ASAP2: variants seen among roughly 807,000 people sequenced by gnomAD.
The protein encoded by ASAP2 is arf-GAP with SH3 domain, ANK repeat and PH domain-containing protein 2.
In ASAP2, 45 loss-of-function variants were observed where a neutral mutation model predicts 131.4. The ratio of observed to expected loss-of-function variants is 0.34; its 90% CI spans 0.27 to 0.44. The LOEUF (loss-of-function observed/expected upper bound fraction) is 0.44, where lower values mean the gene tolerates loss of function less well. Ranked by LOEUF, ASAP2 falls within the 20% of genes least tolerant of loss-of-function variation. The pLI is 1.00. For synonymous variants in ASAP2, 510 were observed against 503.0 expected (o/e 1.01, Z -0.19); for missense variants, 1,011 against 1,297.0 (o/e 0.78, Z 3.39).
Position 9,326,456 on chromosome 2 carries a change from T to G in ASAP2, c.601-1370T>G, listed in dbSNP as rs939899071. On this transcript the variant is annotated intron_variant, in intron 6 of 27. Transcript: ENST00000281419. The stretch of plus-strand genomic sequence containing the variant: ...TGTCAAATAGGTAGTACAGACCTTC[T>G]GTGAGCGGAGAAGGCGTGAGAAGAT... Among the ~76,000 whole-genome samples the G allele has an allele frequency of 1.4e-5, 2 of 140,748 alleles. 1 individual carries two copies. The highest frequency in any genetic ancestry group is 4.3e-4 in the South Asian group (2 of 4,620). 92.3% of individuals were successfully genotyped at this position (140,748 alleles called of 152,430 possible).
chr2:9,384,893 C>A (rs11894514), intron 20 of ASAP2, among the ~76,000 whole-genome samples: 24,688 of 152,186 alleles, frequency 0.16, 5,998 homozygotes, highest in African/African-American at 0.53. Context: ...AAGTGGGGGA[C>A]GATAAGAGTC....
At chr2:9,365,780 C>T (rs1314344524) in intron 15 of ASAP2, among the ~76,000 whole-genome samples, 8 of 152,200 alleles carry the variant, frequency 5.3e-5, no homozygotes, top group East Asian at 1.9e-4. Context: ...ATTGACTCAT[C>T]GCTACCTTGT....
chr2:9,310,235 A>C (rs1001534863), intron 3 of ASAP2, among the ~76,000 whole-genome samples: 2 of 152,190 alleles, frequency 1.3e-5, no homozygotes, highest in Admixed American at 1.3e-4. Context: ...CACATTTCAA[A>C]GCGTCTTTTC....
intron 1 of ASAP2, among the ~76,000 whole-genome samples, chr2:9,250,342 G>A (rs923109518): frequency 6.6e-6 from 1 of 152,124 alleles, no homozygotes; most frequent in African/African-American, 2.4e-5. Flanking sequence ...AGAGGGGAAA[G>A]AACACGACAT....
chr2:9,402,228 C>CT (rs2148837395), intron 27 of ASAP2, among the ~76,000 whole-genome samples: 1 of 152,324 alleles, frequency 6.6e-6, no homozygotes, highest in South Asian at 2.1e-4. Flanking sequence ...TGCATGTCTT[C>CT]AGCCTCCAGA....
chr2:9,379,589 C>G (rs1202232781), intron 19 of ASAP2, among the ~76,000 whole-genome samples: 1 of 152,158 alleles, frequency 6.6e-6, no homozygotes, highest in African/African-American at 2.4e-5. Flanking sequence ...ACAGTTGTGC[C>G]TTGAGAGCAT....
At position 9,404,014 on chromosome 2, in the gene ASAP2, A is replaced by G. The variant is rs1676974330; in HGVS notation, c.*687A>G. On this transcript the variant is annotated 3_prime_UTR_variant, in exon 28 of 28. Coordinates refer to ENST00000281419, the MANE Select transcript of ASAP2 (RefSeq NM_003887.3). ...TACAGTTCATTCTGTTCCAGGTTATATAAAACTGCATTTCCTGAATTTGGT... is the reference window on the plus strand; with the variant it reads ...TACAGTTCATTCTGTTCCAGGTTATGTAAAACTGCATTTCCTGAATTTGGT... The G allele has an allele frequency of 6.6e-6, 1 of 152,262 alleles. No individual in the cohort carries two copies. Among genetic ancestry groups the G allele is most frequent in the Admixed American group, 6.5e-5 (1 of 15,286 alleles). The allele number at this position is 152,262 out of a possible 1,614,324, so 9.4% of individuals were successfully genotyped here. A position where few individuals can be genotyped will look rare whatever the true frequency, so the allele number is the denominator to read the frequency against.
At chr2:9,288,185 C>T (rs1244024458) in intron 2 of ASAP2, among the ~76,000 whole-genome samples, 1 of 152,200 alleles carries the variant, frequency 6.6e-6, no homozygotes, top group East Asian at 1.9e-4. Context: ...AACCTGTCCG[C>T]AAACCCAACC....
At chr2:9,252,565 C>T (rs1664783121) in intron 1 of ASAP2, among the ~76,000 whole-genome samples, 1 of 150,798 alleles carries the variant, frequency 6.6e-6, no homozygotes, top group African/African-American at 2.4e-5. Flanking sequence ...CAAAGTGAGA[C>T]CCTATTCCCC....
At chr2:9,212,405 A>G (rs926295832) in intron 1 of ASAP2, among the ~76,000 whole-genome samples, 3 of 152,098 alleles carry the variant, frequency 2.0e-5, no homozygotes, top group Non-Finnish European at 4.4e-5. Context: ...CTTGAAGTCC[A>G]GGCAGTTACC....
At chr2:9,212,328 G>C (rs114327972) in intron 1 of ASAP2, among the ~76,000 whole-genome samples, 1 of 152,288 alleles carries the variant, frequency 6.6e-6, no homozygotes, top group African/African-American at 2.4e-5. Flanking sequence ...ATGTGCAAGG[G>C]TGCAGGTGGT....
intron 3 of ASAP2, among the ~76,000 whole-genome samples, chr2:9,314,999 T>C (rs1382892978): frequency 6.6e-6 from 1 of 150,808 alleles, no homozygotes; most frequent in African/African-American, 2.4e-5. Context: ...TCTGCTGGGG[T>C]TGCTTAGTAG....
intron 11 of ASAP2, among the ~76,000 whole-genome samples, chr2:9,345,370 G>A (rs1671895526): frequency 1.3e-5 from 2 of 151,978 alleles, no homozygotes; most frequent in African/African-American, 4.8e-5. Flanking sequence ...AAGAAAAAAC[G>A]GAGCCCTCTA....
intron 3 of ASAP2, among the ~76,000 whole-genome samples, chr2:9,308,645 C>G (rs1669102106): frequency 6.6e-6 from 1 of 152,192 alleles, no homozygotes; most frequent in Non-Finnish European, 1.5e-5. Context: ...TGTAAACCAT[C>G]TTGCCCTGTG....
At chr2:9,342,829 G>C (rs1671678656) in intron 9 of ASAP2, among the ~76,000 whole-genome samples, 1 of 152,196 alleles carries the variant, frequency 6.6e-6, no homozygotes. Context: ...CCTGGGTGCT[G>C]ACCACGTGAC....
chr2:9,223,204 T>C (rs1415757214), intron 1 of ASAP2, among the ~76,000 whole-genome samples: 1 of 152,258 alleles, frequency 6.6e-6, no homozygotes, highest in African/African-American at 2.4e-5. Context: ...TGATTTATTA[T>C]CTTCTATAGC....
chr2:9,287,233 C>T (rs576168735), intron 2 of ASAP2, among the ~76,000 whole-genome samples: 1 of 152,360 alleles, frequency 6.6e-6, no homozygotes, highest in Non-Finnish European at 1.5e-5. Flanking sequence ...CTACGTGCCA[C>T]CTGGCTGAGC....
intron 2 of ASAP2, among the ~76,000 whole-genome samples, chr2:9,288,876 A>G (rs73915709): frequency 0.041 from 6,173 of 152,042 alleles, 307 homozygotes; most frequent in African/African-American, 0.11. Flanking sequence ...CTGGTTAAGG[A>G]GAGTCTAGGG....
At position 9,207,000 on chromosome 2, in the gene ASAP2, A is replaced by AGCG. The variant is rs1309155957; in HGVS notation, c.-96_-94dup. On this transcript the variant is annotated 5_prime_UTR_variant, in exon 1 of 28. Transcript: ENST00000281419. This position sits in a 1 kb window ranked among gnomAD's most constrained non-coding sequence, Gnocchi z 4.0. ...GCGCTCCCCTTTGTCCGCGGGCCGG[A>AGCG]GCGGCGGCGGCAGCGGCGGTGTCCG... is the stretch of plus-strand genomic sequence containing the variant. 3.9e-6 allele frequency: 4 copies of AGCG among 1,034,772 alleles called. No homozygotes were observed. Among genetic ancestry groups the AGCG allele is most frequent in the Middle Eastern group, 4.1e-4 (1 of 2,442 alleles). The allele number at this position is 1,034,772 out of a possible 1,614,324, so 64.1% of individuals were successfully genotyped here.
Sources: allele counts gnomAD v4.1 joint callset (sites outside exome capture counted in the v4.1 genomes callset), GRCh38; gene constraint gnomAD v4.1.1; non-coding constraint Gnocchi (gnomAD v3.1); transcripts MANE v1.5; gene names NCBI Gene and HGNC (gene_info 2026-07-23, HGNC 2026-07-21).